The following IGSF11 variants were observed in gnomAD, a reference collection of about 807,000 sequenced individuals.
IGSF11 encodes CXADR like 1.
A neutral mutation model predicts 41.0 loss-of-function variants in IGSF11; 22 were observed. The ratio of observed to expected loss-of-function variants is 0.54; its 90% CI spans 0.38 to 0.77. The LOEUF (loss-of-function observed/expected upper bound fraction) is 0.77. IGSF11 is among the 30% of genes least tolerant of loss of function. IGSF11 has a pLI of 0.00. For synonymous variants in IGSF11, 219 were observed against 201.3 expected (o/e 1.09, Z -0.74); for missense variants, 444 against 530.8 (o/e 0.84, Z 1.61).
chr3:119,118,336 C>A (rs2077286906), intron 1 of IGSF11, among the ~76,000 whole-genome samples: 2 of 152,228 alleles, frequency 1.3e-5, no homozygotes, highest in African/African-American at 2.4e-5. Flanking sequence ...TTCTTGACTT[C>A]TGTGCACTAA....
intron 1 of IGSF11, among the ~76,000 whole-genome samples, chr3:119,068,075 A>T (rs1488843004): frequency 1.3e-5 from 2 of 152,346 alleles, no homozygotes; most frequent in Admixed American, 1.3e-4. Context: ...TCTAAGTTGA[A>T]GTACTTAGGT....
intron 1 of IGSF11, among the ~76,000 whole-genome samples, chr3:118,993,477 G>C (rs150933049): frequency 6.6e-6 from 1 of 152,248 alleles, no homozygotes; most frequent in Non-Finnish European, 1.5e-5. Context: ...TGCCAATTCT[G>C]TAATTACTAA....
At chr3:119,135,621 T>C (rs1207518006) in intron 1 of IGSF11, among the ~76,000 whole-genome samples, 2 of 152,184 alleles carry the variant, frequency 1.3e-5, no homozygotes, top group Non-Finnish European at 2.9e-5. Context: ...GGTGGGAGTG[T>C]AAATTAGTTC....
At chr3:119,065,622 G>A (rs780168986) in intron 1 of IGSF11, among the ~76,000 whole-genome samples, 50 of 151,936 alleles carry the variant, frequency 3.3e-4, no homozygotes, top group African/African-American at 1.1e-3. Flanking sequence ...GTGAAACCCC[G>A]CCTGTACTAA....
chr3:119,140,441 G>A (rs543540886), intron 1 of IGSF11, among the ~76,000 whole-genome samples: 1 of 152,158 alleles, frequency 6.6e-6, no homozygotes, highest in Admixed American at 6.5e-5. Context: ...AACACATATA[G>A]CCCTAACAAC....
intron 1 of IGSF11, among the ~76,000 whole-genome samples, chr3:119,018,019 C>A (rs1422575005): frequency 6.6e-6 from 1 of 152,038 alleles, no homozygotes; most frequent in African/African-American, 2.4e-5. Flanking sequence ...TCTTTCCTAT[C>A]ACCTACACTG....
At chr3:119,099,889 G>A (rs1199208919) in intron 1 of IGSF11, among the ~76,000 whole-genome samples, 8 of 152,200 alleles carry the variant, frequency 5.3e-5, no homozygotes, top group Non-Finnish European at 1.2e-4. Context: ...ACTCTGGGTA[G>A]TATTGAACCC....
intron 4 of IGSF11, among the ~76,000 whole-genome samples, chr3:118,925,461 T>C (rs1428028226): frequency 1.3e-5 from 2 of 152,216 alleles, no homozygotes; most frequent in South Asian, 2.1e-4. Context: ...ACCTAGAGTA[T>C]TTTATAATAA....
intron 1 of IGSF11, among the ~76,000 whole-genome samples, chr3:119,026,178 A>T (rs1249757057): frequency 2.0e-5 from 3 of 152,234 alleles, no homozygotes; most frequent in Non-Finnish European, 4.4e-5. Context: ...AGAATATGTT[A>T]CTTTTAGATG....
At position 119,034,634 on chromosome 3, in the gene IGSF11, A is replaced by C; in HGVS notation, c.-52T>G. The C allele has an allele frequency of 1.3e-6, 2 of 1,527,874 alleles. No homozygotes were observed. 94.6% of individuals were successfully genotyped at this position (1,527,874 alleles called of 1,614,324 possible). On this transcript the variant is annotated 5_prime_UTR_variant, in exon 1 of 7. Coordinates refer to ENST00000393775, the MANE Select transcript of IGSF11 (RefSeq NM_001015887.3). ...CTCCTACCCGGCTCCCGGTCGCAAC[A>C]GGAGAGGAGCGGGCGTGAGTCTCCG...
intron 1 of IGSF11, among the ~76,000 whole-genome samples, chr3:119,061,911 C>G (rs370025047): frequency 4.0e-5 from 6 of 151,696 alleles, no homozygotes; most frequent in African/African-American, 1.5e-4. Context: ...AAGGTAAATG[C>G]GAAATAGAGC....
chr3:119,110,722 C>G (rs1223330988), intron 1 of IGSF11, among the ~76,000 whole-genome samples: 1 of 152,112 alleles, frequency 6.6e-6, no homozygotes, highest in African/African-American at 2.4e-5. Context: ...TTTGCAGCGG[C>G]TGGTACCAGT....
chr3:119,044,266 A>G (rs1318441273), intron 1 of IGSF11, among the ~76,000 whole-genome samples: 1 of 152,148 alleles, frequency 6.6e-6, no homozygotes, highest in Non-Finnish European at 1.5e-5. Context: ...TGCAAAATAC[A>G]CTGGGAAGTT....
upstream of IGSF11, among the ~76,000 whole-genome samples, chr3:119,109,401 T>C (rs563346072): frequency 2.0e-5 from 3 of 152,332 alleles, no homozygotes; most frequent in East Asian, 1.9e-4. Flanking sequence ...TATTCTCTGA[T>C]GGTAGTTTGT....
chr3:118,922,748 G>C (rs961895373), intron 4 of IGSF11, among the ~76,000 whole-genome samples: 6 of 152,026 alleles, frequency 3.9e-5, no homozygotes, highest in Non-Finnish European at 7.4e-5. Context: ...TGGAAGGCTG[G>C]GAGCTCCAAG....
chr3:119,105,207 T>G lies in IGSF11; in HGVS notation c.-15A>C, dbSNP rs767247293. 4 of 1,561,540 alleles carry G rather than the reference T, an allele frequency of 2.6e-6. No homozygotes were observed. The African/African-American group carries it at 5.6e-5, about 22-fold the overall frequency. The stretch of plus-strand genomic sequence containing the variant: ...ACCAGAGACATTTATTCTTCTTGCC[T>G]GAGGAAGGTGAGAACAGGGGAAGAG... On this transcript the variant is annotated 5_prime_UTR_variant, in exon 1 of 7. Coordinates refer to the IGSF11 transcript ENST00000354673.
At chr3:118,987,319 T>C (rs574641673) in intron 1 of IGSF11, among the ~76,000 whole-genome samples, 8 of 152,158 alleles carry the variant, frequency 5.3e-5, no homozygotes, top group Non-Finnish European at 8.8e-5. Flanking sequence ...AGGAAATGGG[T>C]GAGGACAAAC....
rs1261015364 is a variant in IGSF11, at chr3:118,943,304, C to T, written c.53-13029G>A. ...CTTGACATTTTAAAAAACAGATAGACATTTCTTACAAAACTTTGTGGAGCC... is the reference window on the plus strand; with the variant it reads ...CTTGACATTTTAAAAAACAGATAGATATTTCTTACAAAACTTTGTGGAGCC... On this transcript the variant is annotated intron_variant, in intron 1 of 6. Transcript: ENST00000393775. 2.0e-5 allele frequency: 3 copies of T among 152,264 alleles called. No individual in the cohort carries two copies. The East Asian group carries it at 5.8e-4, about 29-fold the overall frequency. 9.4% of individuals were successfully genotyped at this position (152,264 alleles called of 1,614,324 possible). A position where few individuals can be genotyped will look rare whatever the true frequency, so the allele number is the denominator to read the frequency against.
chr3:119,034,753 G>A lies in IGSF11; in HGVS notation c.-171C>T, dbSNP rs1940785005. The A allele has an allele frequency of 3.0e-6, 4 of 1,322,162 alleles. No homozygotes were observed. Among genetic ancestry groups the A allele is most frequent in the Non-Finnish European group, 3.9e-6 (4 of 1,034,360 alleles). 81.9% of individuals were successfully genotyped at this position (1,322,162 alleles called of 1,614,324 possible). On this transcript the variant is annotated 5_prime_UTR_variant, in exon 1 of 7. Transcript: ENST00000393775. ...TGTCAGACCCACAGACGAGCCAAGTGCAGCTGCAGCGCCGCCCGGCTCCGC... is the reference window on the plus strand; with the variant it reads ...TGTCAGACCCACAGACGAGCCAAGTACAGCTGCAGCGCCGCCCGGCTCCGC...
Sources: allele counts gnomAD v4.1 joint callset (sites outside exome capture counted in the v4.1 genomes callset), GRCh38; gene constraint gnomAD v4.1.1; transcripts MANE v1.5; gene names NCBI Gene and HGNC (gene_info 2026-07-23, HGNC 2026-07-21).